PHLPP1: variants seen among roughly 807,000 people sequenced by gnomAD.
PHLPP1 encodes PH domain leucine-rich repeat-containing protein phosphatase 1.
In PHLPP1, 42 loss-of-function variants were observed where a neutral mutation model predicts 117.2. The observed-to-expected ratio is 0.36, with a 90% confidence interval of 0.28 to 0.46. The LOEUF is 0.46. Among genes scored for constraint, PHLPP1 ranks in the 20% least tolerant of loss-of-function variants. PHLPP1 has a pLI of 1.00. For synonymous variants in PHLPP1, 1,042 were observed against 970.7 expected, an observed-to-expected ratio of 1.07 and a Z score of -1.37; for missense variants, 2,084 against 2,241.9, an observed-to-expected ratio of 0.93 and a Z score of 1.42.
chr18:62,766,075 AAATAT>A (rs1183990691), intron 1 of PHLPP1, among the ~76,000 whole-genome samples: 18 of 49,590 alleles, frequency 3.6e-4, no homozygotes, highest in South Asian at 7.0e-4. Flanking sequence ...AAAAAAAAAA[AAATAT>A]ATATATATAT....
rs1344473718 is a variant in PHLPP1 at position 62,814,439 on chromosome 18, TCTC to T, written c.1577-15593_1577-15591del. Reference sequence around the variant, plus strand: ...CCTCTTACGGAGTCATTTCAATCCTTCTCCTAGCTCTTGAAATGACCCTAGGCA... The same window carrying T: ...CCTCTTACGGAGTCATTTCAATCCTTCTAGCTCTTGAAATGACCCTAGGCA... On this transcript the variant is annotated intron_variant, in intron 1 of 16. Transcript: ENST00000262719. Among the ~76,000 whole-genome samples, 11 of 152,328 alleles carry T rather than the reference TCTC, an allele frequency of 7.2e-5. No individual in the cohort carries two copies. The East Asian group carries it at 2.1e-3, about 29-fold the overall frequency.
At position 62,940,354 on chromosome 18, in the gene PHLPP1, C is replaced by CTTT. The variant is rs66530466; in HGVS notation, c.2961-1338_2961-1336dup. Among the ~76,000 whole-genome samples the CTTT allele has an allele frequency of 5.5e-3, 257 of 46,858 alleles. 10 individuals carry two copies. The highest frequency in any genetic ancestry group is 6.5e-3 in the African/African-American group (68 of 10,406). 30.7% of individuals were successfully genotyped at this position (46,858 alleles called of 152,430 possible). Reference sequence around the variant, plus strand: ...ATCCACGTTTCTTTTTCTTTCTTTTCTTTTTTTTTTTTTTTTTTTTTTTTT... The same window carrying CTTT: ...ATCCACGTTTCTTTTTCTTTCTTTTCTTTTTTTTTTTTTTTTTTTTTTTTTTTT... On this transcript the variant is annotated intron_variant, in intron 10 of 16. Coordinates refer to ENST00000262719, the MANE Select transcript of PHLPP1 (RefSeq NM_194449.4).
chr18:62,932,067 CA>C (rs1909829102), intron 10 of PHLPP1, among the ~76,000 whole-genome samples: 1 of 151,716 alleles, frequency 6.6e-6, no homozygotes, highest in Non-Finnish European at 1.5e-5. Context: ...AAGGTTGAAC[CA>C]GGAAGAAATC....
intron 1 of PHLPP1, among the ~76,000 whole-genome samples, chr18:62,799,700 A>G (rs953567225): frequency 1.3e-5 from 2 of 152,218 alleles, no homozygotes; most frequent in Admixed American, 6.5e-5. Flanking sequence ...TGTAGAATAC[A>G]GTGTGTGTTC....
rs7242512 is a variant in PHLPP1 at position 62,836,488 on chromosome 18, A to T, written c.1774-2296A>T. Reference sequence around the variant, plus strand: ...ATAAATAAATAAATAAATAAATAAAAATAAATTACTGGATTTTGATGCAAC... The same window carrying T: ...ATAAATAAATAAATAAATAAATAAATATAAATTACTGGATTTTGATGCAAC... On this transcript the variant is annotated intron_variant, in intron 2 of 16. Transcript: ENST00000262719. Among the ~76,000 whole-genome samples the T allele has an allele frequency of 5.3e-4, 68 of 128,838 alleles. No individual in the cohort carries two copies. In the East Asian group the frequency reaches 7.2e-3, roughly 14 times the overall value. 84.5% of individuals were successfully genotyped at this position (128,838 alleles called of 152,430 possible). A position where few individuals can be genotyped will look rare whatever the true frequency, so the allele number is the denominator to read the frequency against.
chr18:62,858,516 G>A (rs532588709), intron 3 of PHLPP1, among the ~76,000 whole-genome samples: 5 of 152,210 alleles, frequency 3.3e-5, no homozygotes, highest in African/African-American at 9.6e-5. Flanking sequence ...ACCTGCCTTG[G>A]CCTCCCAAAG....
chr18:62,834,430 A>C (rs1014104932), intron 2 of PHLPP1, among the ~76,000 whole-genome samples: 2 of 152,190 alleles, frequency 1.3e-5, no homozygotes, highest in African/African-American at 2.4e-5. Flanking sequence ...ATATTGTGCA[A>C]AGTATTAGAG....
intron 1 of PHLPP1, among the ~76,000 whole-genome samples, chr18:62,749,845 G>A (rs970086657): frequency 3.9e-5 from 6 of 152,070 alleles, no homozygotes; most frequent in Non-Finnish European, 5.9e-5. Context: ...GTGAAACCTC[G>A]TCTTTACTAA....
At chr18:62,832,742 T>C (rs1914790625) in intron 2 of PHLPP1, among the ~76,000 whole-genome samples, 2 of 141,174 alleles carry the variant, frequency 1.4e-5, no homozygotes, top group African/African-American at 6.1e-5. Context: ...AATTTTTGTC[T>C]GTTGTTGTTT....
intron 1 of PHLPP1, among the ~76,000 whole-genome samples, chr18:62,790,016 C>T (rs1055520769): frequency 6.6e-6 from 1 of 152,074 alleles, no homozygotes; most frequent in Non-Finnish European, 1.5e-5. Context: ...CTAGTGATTT[C>T]ATGGGCTATT....
chr18:62,872,410 A>T (rs1367982210), intron 4 of PHLPP1, among the ~76,000 whole-genome samples: 1 of 152,168 alleles, frequency 6.6e-6, no homozygotes, highest in Non-Finnish European at 1.5e-5. Context: ...GGGAGGTCAG[A>T]GGCCAGATGC....
At chr18:62,954,176 TTA>T (rs1395306910) in intron 12 of PHLPP1, among the ~76,000 whole-genome samples, 1 of 152,194 alleles carries the variant, frequency 6.6e-6, no homozygotes. Flanking sequence ...CAGCTATGAG[TTA>T]TCTCACTTTT....
In PHLPP1 at chr18:62,979,538, C is replaced by T; in HGVS notation, c.*107C>T. 1 of 1,247,290 alleles carries T rather than the reference C, an allele frequency of 8.0e-7. No individual in the cohort carries two copies. Among genetic ancestry groups the T allele is most frequent in the Non-Finnish European group, 1.1e-6 (1 of 908,842 alleles). The allele number at this position is 1,247,290 out of a possible 1,614,324, so 77.3% of individuals were successfully genotyped here. ...TTTTACTCCACATCCTTCCCCCAGA[C>T]ACTGTTCCCAACCTGTCATCGCAGC... On this transcript the variant is annotated 3_prime_UTR_variant, in exon 17 of 17. Coordinates refer to ENST00000262719, the MANE Select transcript of PHLPP1 (RefSeq NM_194449.4).
intron 1 of PHLPP1, among the ~76,000 whole-genome samples, chr18:62,811,894 A>G (rs1914133840): frequency 6.6e-6 from 1 of 152,174 alleles, no homozygotes; most frequent in Non-Finnish European, 1.5e-5. Context: ...TTTGTAGGGA[A>G]AAGGGCAGTG....
chr18:62,968,102 C>T (rs535808827), intron 14 of PHLPP1, among the ~76,000 whole-genome samples: 10 of 152,308 alleles, frequency 6.6e-5, no homozygotes, highest in South Asian at 2.1e-4. Flanking sequence ...GGATTACAGG[C>T]GTGAGCTACC....
intron 4 of PHLPP1, among the ~76,000 whole-genome samples, chr18:62,864,929 T>A (rs1229190097): frequency 6.6e-6 from 1 of 152,202 alleles, no homozygotes; most frequent in Non-Finnish European, 1.5e-5. Flanking sequence ...AAACATAATT[T>A]TTCTGTCTTC....
intron 1 of PHLPP1, among the ~76,000 whole-genome samples, chr18:62,783,229 CTTTTTTTTTTT>C (rs71340114): frequency 2.8e-5 from 3 of 106,434 alleles, no homozygotes; most frequent in Admixed American, 9.5e-5. Flanking sequence ...TTTTTTTTTT[CTTTTTTTTTTT>C]TTTTTGAGAC....
At chr18:62,930,911 C>T (rs563058076) in intron 10 of PHLPP1, among the ~76,000 whole-genome samples, 3 of 152,122 alleles carry the variant, frequency 2.0e-5, no homozygotes, top group African/African-American at 4.8e-5. Context: ...CAAATAGGGC[C>T]GGGTGCGGTG....
chr18:62,825,257 C>G (rs1914579378), intron 1 of PHLPP1, among the ~76,000 whole-genome samples: 1 of 151,646 alleles, frequency 6.6e-6, no homozygotes, highest in South Asian at 2.1e-4. Flanking sequence ...CTGTGTCCAG[C>G]CCAATATGTA....
Sources: gnomAD v4.1 joint callset for allele counts (sites outside exome capture counted in the v4.1 genomes callset) on GRCh38, gnomAD v4.1.1 for gene constraint, MANE v1.5 for transcripts, NCBI Gene and HGNC (gene_info 2026-07-23, HGNC 2026-07-21) for gene names.